Variants in FAM13A observed in about 807,000 individuals in gnomAD.
FAM13A encodes protein FAM13A.
A neutral mutation model predicts 129.6 loss-of-function variants in FAM13A; 76 were observed. The observed-to-expected ratio is 0.59, with a 90% CI of 0.49 to 0.71. FAM13A has a LOEUF of 0.71. FAM13A is among the 30% of genes least tolerant of loss of function. The pLI is 0.00. For missense variants in FAM13A, 1,108 were observed against 1,249.3 expected, an observed-to-expected ratio of 0.89 and a Z score of 1.70; for synonymous variants, 443 against 449.9, an observed-to-expected ratio of 0.98 and a Z score of 0.20.
intron 4 of FAM13A, among the ~76,000 whole-genome samples, chr4:88,983,132 G>T (rs1449192654): frequency 6.6e-6 from 1 of 152,040 alleles, no homozygotes; most frequent in African/African-American, 2.4e-5. Context: ...TTCCTTATAG[G>T]TATAAGGAAA....
chr4:88,995,984 A>C (rs10007590), intron 3 of FAM13A, among the ~76,000 whole-genome samples: 1 of 152,158 alleles, frequency 6.6e-6, no homozygotes. Context: ...ATTTCACTCA[A>C]TATGGTCAGG....
intron 1 of FAM13A, among the ~76,000 whole-genome samples, chr4:89,038,012 A>G (rs192927647): frequency 3.7e-4 from 57 of 152,328 alleles, no homozygotes; most frequent in Middle Eastern, 3.4e-3. Context: ...ACAGACTAAT[A>G]CACATGGCTG....
chr4:89,047,069 G>T (rs907938243), intron 1 of FAM13A, among the ~76,000 whole-genome samples: 1 of 152,100 alleles, frequency 6.6e-6, no homozygotes, highest in African/African-American at 2.4e-5. Flanking sequence ...ACCAGGCTCC[G>T]AACACAGGGG....
At chr4:88,803,395 A>C (rs1414427444) in intron 8 of FAM13A, among the ~76,000 whole-genome samples, 1 of 152,164 alleles carries the variant, frequency 6.6e-6, no homozygotes, top group East Asian at 1.9e-4. Context: ...GAGTTCAGTA[A>C]ATATATTATT....
At chr4:88,988,315 T>C (rs1762522164) in intron 4 of FAM13A, among the ~76,000 whole-genome samples, 1 of 152,194 alleles carries the variant, frequency 6.6e-6, no homozygotes, top group Non-Finnish European at 1.5e-5. Flanking sequence ...GGATGAAGCA[T>C]TGGATCGTCT....
At chr4:88,916,971 C>T (rs187645201) in intron 5 of FAM13A, among the ~76,000 whole-genome samples, 1 of 152,072 alleles carries the variant, frequency 6.6e-6, no homozygotes, top group East Asian at 1.9e-4. Flanking sequence ...CATAGAATAC[C>T]AGCTGGCTAA....
chr4:89,032,833 G>GGC (rs1768882908), intron 1 of FAM13A, among the ~76,000 whole-genome samples: 1 of 152,206 alleles, frequency 6.6e-6, no homozygotes, highest in Non-Finnish European at 1.5e-5. Flanking sequence ...CTCTAGGAAA[G>GGC]ACAGGGCTCA....
intron 7 of FAM13A, among the ~76,000 whole-genome samples, chr4:88,817,482 G>C (rs1209723780): frequency 1.3e-5 from 2 of 151,552 alleles, no homozygotes; most frequent in South Asian, 2.1e-4. Context: ...GGAATTGCTT[G>C]AACCCAGGAG....
chr4:88,946,248 G>A (rs1217236134), intron 4 of FAM13A, among the ~76,000 whole-genome samples: 1 of 151,502 alleles, frequency 6.6e-6, no homozygotes, highest in Admixed American at 6.6e-5. Context: ...CCAGCCAATG[G>A]AAACTGGACA....
intron 3 of FAM13A, among the ~76,000 whole-genome samples, chr4:89,003,986 GTTTTC>G (rs1021660587): frequency 8.5e-5 from 13 of 152,104 alleles, no homozygotes; most frequent in Non-Finnish European, 1.9e-4. Flanking sequence ...GGATCTGCCG[GTTTTC>G]TTTTCTTTTT....
At chr4:88,852,462 T>C (rs1407763736) in intron 6 of FAM13A, among the ~76,000 whole-genome samples, 1 of 152,106 alleles carries the variant, frequency 6.6e-6, no homozygotes, top group East Asian at 1.9e-4. Context: ...GCGCCTGGAC[T>C]TAACTTCAGG....
chr4:88,913,048 A>T (rs1403047442), intron 5 of FAM13A, among the ~76,000 whole-genome samples: 1 of 151,262 alleles, frequency 6.6e-6, no homozygotes, highest in Non-Finnish European at 1.5e-5. Flanking sequence ...GAAGTAGTAG[A>T]AGTAGTAGTA....
chr4:88,960,662 G>T (rs1758471872), intron 4 of FAM13A, among the ~76,000 whole-genome samples: 1 of 152,156 alleles, frequency 6.6e-6, no homozygotes, highest in Admixed American at 6.5e-5. Flanking sequence ...TAGTAAGAAA[G>T]ACACAGAGGT....
At chr4:88,925,318 AT>A (rs1400510166) in intron 5 of FAM13A, among the ~76,000 whole-genome samples, 1 of 152,210 alleles carries the variant, frequency 6.6e-6, no homozygotes, top group Non-Finnish European at 1.5e-5. Flanking sequence ...ATGTCCAACA[AT>A]GATAGACTGG....
chr4:88,925,991 A>G (rs1752088617), intron 5 of FAM13A, among the ~76,000 whole-genome samples: 2 of 152,130 alleles, frequency 1.3e-5, no homozygotes, highest in Non-Finnish European at 2.9e-5. Context: ...TGCTGCGAGG[A>G]TTGAGAGCAA....
chr4:88,893,496 G>C (rs1329892140), intron 6 of FAM13A, among the ~76,000 whole-genome samples: 1 of 152,120 alleles, frequency 6.6e-6, no homozygotes, highest in Non-Finnish European at 1.5e-5. Flanking sequence ...GGTGGCGGGC[G>C]CCTGTAGTCC....
chr4:88,784,407 G>A (rs1461744161), intron 10 of FAM13A, among the ~76,000 whole-genome samples: 1 of 152,146 alleles, frequency 6.6e-6, no homozygotes, highest in African/African-American at 2.4e-5. Context: ...TGGAGCAGGT[G>A]TACTCAATTC....
intron 7 of FAM13A, among the ~76,000 whole-genome samples, chr4:88,810,322 T>C (rs962850330): frequency 1.3e-5 from 2 of 152,132 alleles, no homozygotes; most frequent in Non-Finnish European, 2.9e-5. Flanking sequence ...AAATATACAC[T>C]GAAACCATAA....
chr4:89,044,350 G>A lies in FAM13A; in HGVS notation c.27+12588C>T, dbSNP rs75983216. ...CTCAACATCACTGGTCTTTAGGGAA[G>A]TGAGAATCAAAACCACAATGAGATA... On this transcript the variant is annotated intron_variant, in intron 1 of 23. Transcript: ENST00000264344. Among the ~76,000 whole-genome samples, 344 of 152,264 alleles carry A rather than the reference G, an allele frequency of 2.3e-3. 1 individual carries two copies. The highest frequency in any genetic ancestry group is 7.5e-3 in the African/African-American group (312 of 41,562).
Sources: allele counts gnomAD v4.1 joint callset (sites outside exome capture counted in the v4.1 genomes callset), GRCh38; gene constraint gnomAD v4.1.1; transcripts MANE v1.5; gene names NCBI Gene and HGNC (gene_info 2026-07-23, HGNC 2026-07-21).